DNAJC21: variants seen among roughly 807,000 people sequenced by gnomAD.
DNAJC21 encodes the protein dnaJ homolog subfamily C member 21.
In DNAJC21, 63 loss-of-function variants were observed where a neutral mutation model predicts 72.4. That is an observed-to-expected ratio of 0.87 (90% CI 0.71 to 1.07). DNAJC21 has a LOEUF of 1.07. Ranked by LOEUF, DNAJC21 falls within the 50% of genes least tolerant of loss-of-function variation. The pLI is 0.00. For missense variants in DNAJC21, 634 were observed against 644.8 expected, an observed-to-expected ratio of 0.98 and a Z score of 0.18; for synonymous variants, 203 against 216.7, an observed-to-expected ratio of 0.94 and a Z score of 0.56.
intron 9 of DNAJC21, 36 bp from the exon 10 acceptor site, chr5:34,950,134 T>C: frequency 6.4e-7 from 1 of 1,562,034 alleles, no homozygotes; most frequent in Non-Finnish European, 8.6e-7. Context: ...TAGTATTATA[T>C]TTATTTTGTA....
chr5:34,942,305 A>G (rs1446953292), intron 7 of DNAJC21, among the ~76,000 whole-genome samples: 8 of 152,196 alleles, frequency 5.3e-5, no homozygotes, highest in Admixed American at 3.3e-4. Context: ...AGAAAGAAGT[A>G]TTAAAACGGA....
chr5:34,932,138 C>T (rs1009256639), intron 1 of DNAJC21, among the ~76,000 whole-genome samples: 1 of 151,988 alleles, frequency 6.6e-6, no homozygotes, highest in Non-Finnish European at 1.5e-5. Context: ...TAGTGTGCTC[C>T]GGCCAGGTGC....
intron 7 of DNAJC21, among the ~76,000 whole-genome samples, chr5:34,943,346 G>A (rs540875969): frequency 7.9e-5 from 12 of 152,158 alleles, no homozygotes; most frequent in African/African-American, 2.6e-4. Flanking sequence ...TTGTCTTTGT[G>A]CATTTCCTCA....
chr5:34,934,237 GT>G (rs991617381), intron 2 of DNAJC21, among the ~76,000 whole-genome samples: 1 of 150,448 alleles, frequency 6.6e-6, no homozygotes, highest in Non-Finnish European at 1.5e-5. Context: ...TTCGTTTTTT[GT>G]TTTTTTTTGA....
intron 10 of DNAJC21, chr5:34,951,873 C>T: frequency 2.4e-5 from 24 of 985,452 alleles, no homozygotes; most frequent in Non-Finnish European, 2.9e-5. Context: ...GAAGGGTTCT[C>T]AGGCTTGGGC....
At chr5:34,950,720 A>G in intron 10 of DNAJC21, 2 of 992,688 alleles carry the variant, frequency 2.0e-6, no homozygotes, top group Non-Finnish European at 2.4e-6. Context: ...CATGCTCACG[A>G]CAGCAGCCTG....
At chr5:34,942,990 C>A (rs1396796736) in intron 7 of DNAJC21, among the ~76,000 whole-genome samples, 1 of 152,100 alleles carries the variant, frequency 6.6e-6, no homozygotes, top group Non-Finnish European at 1.5e-5. Flanking sequence ...ATCGCTTGAA[C>A]TCAGGAGGCG....
Position 34,937,504 on chromosome 5 carries a change from T to C in DNAJC21, c.617T>C (p.Leu206Pro). The stretch of plus-strand genomic sequence containing the variant: ...GAGAAGAATGAGCTTGTCCGTCAGC[T>C]GGTAGCTTTCATTCGTAAAAGAGAT... ...RKEKNELVRQ[L>P]VAFIRKRDKR... is the part of the protein sequence containing the mutation. Residue 206 changes from leucine (L) to proline (P), a missense_variant, in exon 5 of 12, where the codon CTG (leucine) becomes CCG (proline). Coordinates refer to ENST00000648817, the MANE Select transcript of DNAJC21 (RefSeq NM_001012339.3). 3.7e-6 allele frequency: 6 copies of C among 1,614,116 alleles called. No individual in the cohort carries two copies. Among genetic ancestry groups the C allele is most frequent in the Non-Finnish European group, 5.1e-6 (6 of 1,179,978 alleles).
In DNAJC21 at chr5:34,929,680, G is replaced by GCCGCCGCC; in HGVS notation, c.-140_-139insCCGCCGCC. On this transcript the variant is annotated 5_prime_UTR_variant, in exon 1 of 12. Transcript: ENST00000648817. ...CACCGCCGCCGCCGCCGCCGCCGCC[G>GCCGCCGCC]GGCTCGCTGGCTGGCCCGGTGCGGG... 9.7e-6 allele frequency: 2 copies of GCCGCCGCC among 207,018 alleles called. No homozygotes were observed. The highest frequency in any genetic ancestry group is 1.7e-5 in the Non-Finnish European group (2 of 119,412). The allele number at this position is 207,018 out of a possible 1,614,324, so 12.8% of individuals were successfully genotyped here.
At chr5:34,940,893 T>G (rs1764964110) in intron 6 of DNAJC21, among the ~76,000 whole-genome samples, 1 of 152,230 alleles carries the variant, frequency 6.6e-6, no homozygotes, top group Admixed American at 6.5e-5. Flanking sequence ...TAAGTAGACT[T>G]AGGAAAAGAA....
intron 7 of DNAJC21, among the ~76,000 whole-genome samples, chr5:34,943,509 A>G (rs1328237173): frequency 6.6e-6 from 1 of 152,170 alleles, no homozygotes; most frequent in Non-Finnish European, 1.5e-5. Context: ...TAATTTTACT[A>G]CTATACTACT....
At chr5:34,945,868 C>A in intron 9 of DNAJC21, 65 bp downstream of exon 9, 1 of 1,157,336 alleles carries the variant, frequency 8.6e-7, no homozygotes, top group Non-Finnish European at 1.2e-6. Flanking sequence ...CTTATTTATT[C>A]AGTGTAGTCT....
chr5:34,954,312 T>G, intron 11 of DNAJC21: 1 of 492,484 alleles, frequency 2.0e-6, no homozygotes, highest in East Asian at 3.4e-5. Context: ...ACTCTTCCTC[T>G]TTTTTAGTCC....
At position 34,937,605 on chromosome 5, in the gene DNAJC21, C is replaced by T. The variant is rs901238575; in HGVS notation, c.718C>T (p.Arg240Trp). ...EKARKAEEMR[R>W]QQKLKQAKLV... is the part of the protein sequence containing the mutation. ...GGCGAGGAAAGCCGAAGAGATGAGG[C>T]GGCAGCAGAAGCTAAAGCAGGCCAA... Residue 240 changes from arginine to tryptophan, a missense_variant, in exon 5 of 12, where the codon CGG (arginine) becomes TGG (tryptophan). Arg to Trp is a moderately radical substitution (Grantham distance 101). Coordinates refer to ENST00000648817, the MANE Select transcript of DNAJC21 (RefSeq NM_001012339.3). 6.8e-6 allele frequency: 11 copies of T among 1,612,732 alleles called. No homozygotes were observed. Among genetic ancestry groups the T allele is most frequent in the East Asian group, 4.5e-5 (2 of 44,872 alleles).
chr5:34,952,034 A>G (rs1477147373), intron 10 of DNAJC21: 1 of 985,272 alleles, frequency 1.0e-6, no homozygotes, highest in East Asian at 1.1e-4. Context: ...TGTCCCCTGG[A>G]TCCAGGGCCT....
chr5:34,941,953 C>G (rs888389553), intron 7 of DNAJC21, among the ~76,000 whole-genome samples: 1 of 151,942 alleles, frequency 6.6e-6, no homozygotes, highest in Non-Finnish European at 1.5e-5. Flanking sequence ...GCCCCACATA[C>G]TGTCTCGGGG....
At chr5:34,942,406 G>GA (rs1765024357) in intron 7 of DNAJC21, among the ~76,000 whole-genome samples, 1 of 152,284 alleles carries the variant, frequency 6.6e-6, no homozygotes, top group Admixed American at 6.5e-5. Flanking sequence ...CAATCAGAGA[G>GA]AAAGGAGGCC....
Position 34,954,470 on chromosome 5 carries a change from T to G in DNAJC21, c.1435-83T>G, listed in dbSNP as rs1434494174. 6 of 1,428,480 alleles carry G rather than the reference T, an allele frequency of 4.2e-6. No homozygotes were observed. The African/African-American group carries it at 8.7e-5, about 21-fold the overall frequency. 88.5% of individuals were successfully genotyped at this position (1,428,480 alleles called of 1,614,324 possible). On this transcript the variant is annotated intron_variant, in intron 11 of 11. Transcript: ENST00000648817. ...ACATCTTTATTTTACAATTGTTTGATGCTTAATCTTGATATTAAAACCTAA... is the reference window on the plus strand; with the variant it reads ...ACATCTTTATTTTACAATTGTTTGAGGCTTAATCTTGATATTAAAACCTAA...
At chr5:34,950,509 A>C in intron 10 of DNAJC21, 167 bp downstream of exon 10, 1 of 1,280,068 alleles carries the variant, frequency 7.8e-7, no homozygotes, top group Non-Finnish European at 9.9e-7. Context: ...ACAGATGAAG[A>C]GCGTTGAGAA....
Sources: allele counts gnomAD v4.1 joint callset (sites outside exome capture counted in the v4.1 genomes callset), GRCh38; gene constraint gnomAD v4.1.1; transcripts MANE v1.5; gene names NCBI Gene and HGNC (gene_info 2026-07-23, HGNC 2026-07-21).